The following STX8 variants were observed in gnomAD, a reference collection of about 807,000 sequenced individuals.
The protein encoded by STX8 is syntaxin 8, also known as syntaxin-8.
STX8 carries 23 observed loss-of-function variants against 37.5 expected under a neutral mutation model. The observed-to-expected ratio is 0.61, with a 90% confidence interval of 0.44 to 0.87. The LOEUF (loss-of-function observed/expected upper bound fraction) is 0.87, where lower values mean the gene tolerates loss of function less well. Ranked by LOEUF, STX8 falls within the 40% of genes least tolerant of loss-of-function variation. The pLI is 0.00. For synonymous variants in STX8, 115 were observed against 99.1 expected (o/e 1.16, Z -0.95); for missense variants, 313 against 284.7 (o/e 1.10, Z -0.71).
At chr17:9,383,640 G>A (rs1026247622) in intron 6 of STX8, among the ~76,000 whole-genome samples, 12 of 152,122 alleles carry the variant, frequency 7.9e-5, no homozygotes, top group African/African-American at 2.9e-4. Context: ...AATAAGGCAG[G>A]GGGGAAGAAA....
Position 9,568,929 on chromosome 17 carries a change from T to A in STX8, c.18-459A>T, listed in dbSNP as rs533973268. Among the ~76,000 whole-genome samples, 83 of 152,352 alleles carry A rather than the reference T, an allele frequency of 5.4e-4. No homozygotes were observed. The Middle Eastern group carries it at 0.01, about 19-fold the overall frequency. On this transcript the variant is annotated intron_variant, in intron 1 of 7. Coordinates refer to ENST00000306357, the MANE Select transcript of STX8 (RefSeq NM_004853.3). Reference sequence around the variant, plus strand: ...AACATGGACTGAGCGTTATTTACCATGTGCCAGGCACTATTTTGAAGGCTT... The same window carrying A: ...AACATGGACTGAGCGTTATTTACCAAGTGCCAGGCACTATTTTGAAGGCTT...
At chr17:9,514,890 C>T (rs367754839) in intron 4 of STX8, among the ~76,000 whole-genome samples, 7 of 152,180 alleles carry the variant, frequency 4.6e-5, no homozygotes, top group East Asian at 1.9e-4. Flanking sequence ...GCTGTACACA[C>T]GCTGTCCCAC....
intron 6 of STX8, among the ~76,000 whole-genome samples, chr17:9,403,398 AAC>A (rs1912693610): frequency 1.3e-5 from 2 of 152,198 alleles, no homozygotes; most frequent in African/African-American, 4.8e-5. Context: ...TAGAACAATA[AAC>A]ACTGATTCAA....
intron 6 of STX8, among the ~76,000 whole-genome samples, chr17:9,397,229 C>G (rs1459453444): frequency 6.6e-6 from 1 of 152,152 alleles, no homozygotes; most frequent in African/African-American, 2.4e-5. Flanking sequence ...AAACCCGTCT[C>G]TACTAAAAAT....
At chr17:9,343,989 G>A (rs778575140) in intron 7 of STX8, among the ~76,000 whole-genome samples, 12 of 152,042 alleles carry the variant, frequency 7.9e-5, no homozygotes, top group Non-Finnish European at 1.6e-4. Context: ...GTTACATGAG[G>A]AGGCCCAAGT....
intron 2 of STX8, 73 bp downstream of exon 2, chr17:9,568,298 A>C: frequency 8.6e-7 from 1 of 1,159,078 alleles, no homozygotes; most frequent in Non-Finnish European, 1.3e-6. Flanking sequence ...GACAGCCTCA[A>C]AGAAAGATAG....
intron 7 of STX8, among the ~76,000 whole-genome samples, chr17:9,255,040 A>C (rs1398514217): frequency 6.6e-6 from 1 of 152,194 alleles, no homozygotes; most frequent in African/African-American, 2.4e-5. Context: ...TACAGAGACA[A>C]GATAGAAGAA....
At chr17:9,329,624 G>A (rs1015835495) in intron 7 of STX8, among the ~76,000 whole-genome samples, 3 of 152,314 alleles carry the variant, frequency 2.0e-5, no homozygotes, top group East Asian at 3.9e-4. Context: ...GAAAAGCTTC[G>A]GTGCCAAATG....
At chr17:9,345,156 C>CT (rs765904680) in intron 7 of STX8, among the ~76,000 whole-genome samples, 2,251 of 145,156 alleles carry the variant, frequency 0.016, 29 homozygotes, top group African/African-American at 0.033. Context: ...CATTTTCTTT[C>CT]TTTTTTTTTT....
At chr17:9,496,798 C>T (rs1904422545) in intron 5 of STX8, among the ~76,000 whole-genome samples, 1 of 152,116 alleles carries the variant, frequency 6.6e-6, no homozygotes, top group African/African-American at 2.4e-5. Context: ...AGAGAGATAA[C>T]TTACTGGCTT....
At chr17:9,417,155 A>G (rs1485107409) in intron 6 of STX8, among the ~76,000 whole-genome samples, 1 of 152,120 alleles carries the variant, frequency 6.6e-6, no homozygotes, top group Admixed American at 6.5e-5. Flanking sequence ...TGATTTGAGT[A>G]ATCAACTTCT....
intron 2 of STX8, among the ~76,000 whole-genome samples, chr17:9,565,612 CAAAAAAAAAAAAA>C (rs61319674): frequency 1.4e-5 from 1 of 72,678 alleles, no homozygotes; most frequent in East Asian, 3.8e-4. Flanking sequence ...AACACCGTCT[CAAAAAAAAAAAAA>C]AAAAAAAAAT....
At chr17:9,518,897 G>C (rs1401947360) in intron 4 of STX8, among the ~76,000 whole-genome samples, 1 of 151,446 alleles carries the variant, frequency 6.6e-6, no homozygotes, top group Non-Finnish European at 1.5e-5. Context: ...ATAAATGCTA[G>C]CAATGCTTAA....
intron 7 of STX8, among the ~76,000 whole-genome samples, chr17:9,357,604 G>A (rs1910929126): frequency 6.6e-6 from 1 of 152,112 alleles, no homozygotes; most frequent in Non-Finnish European, 1.5e-5. Context: ...GCTGAAGCCA[G>A]AGGATCTCTT....
intron 2 of STX8, among the ~76,000 whole-genome samples, chr17:9,565,772 T>C (rs1398185029): frequency 2.0e-5 from 3 of 152,038 alleles, no homozygotes; most frequent in African/African-American, 7.2e-5. Context: ...AAGATAGAAA[T>C]TGAACTCCTT....
chr17:9,355,181 T>C (rs1323462008), intron 7 of STX8, among the ~76,000 whole-genome samples: 2 of 152,190 alleles, frequency 1.3e-5, no homozygotes, highest in South Asian at 2.1e-4. Context: ...TGGTTACTCC[T>C]GTCTGTCAGT....
At chr17:9,274,561 A>G (rs547667643) in intron 7 of STX8, among the ~76,000 whole-genome samples, 129 of 150,596 alleles carry the variant, frequency 8.6e-4, no homozygotes, top group African/African-American at 3.1e-3. Flanking sequence ...CTGTAGTCCC[A>G]GCTACTTGGG....
At position 9,437,090 on chromosome 17, in the gene STX8, C is replaced by G. The variant is rs143801135; in HGVS notation, c.541+54739G>C. Among the ~76,000 whole-genome samples, 213 of 152,242 alleles carry G rather than the reference C, an allele frequency of 1.4e-3. 3 individuals are homozygous for G. The highest frequency in any genetic ancestry group is 5.0e-3 in the African/African-American group (206 of 41,560). Reference sequence around the variant, plus strand: ...TCAAAGTGGAGAAATACAATGAAACCACGACTATAAGCACTCACTGAATTT... The same window carrying G: ...TCAAAGTGGAGAAATACAATGAAACGACGACTATAAGCACTCACTGAATTT... On this transcript the variant is annotated intron_variant, in intron 6 of 7. Transcript: ENST00000306357.
At chr17:9,475,191 T>C (rs1597695928) in intron 6 of STX8, among the ~76,000 whole-genome samples, 1 of 152,236 alleles carries the variant, frequency 6.6e-6, no homozygotes, top group East Asian at 1.9e-4. Context: ...AATAAATCCA[T>C]GGTGGCACTG....
Sources: allele counts gnomAD v4.1 joint callset (sites outside exome capture counted in the v4.1 genomes callset), GRCh38; gene constraint gnomAD v4.1.1; transcripts MANE v1.5; gene names NCBI Gene and HGNC (gene_info 2026-07-23, HGNC 2026-07-21).